PRKCB: variants seen among roughly 807,000 people sequenced by gnomAD.
PRKCB encodes protein kinase C beta type.
Under a neutral mutation model 81.5 loss-of-function variants are expected in PRKCB, and 13 were observed. The observed-to-expected ratio is 0.16, with a 90% confidence interval of 0.10 to 0.25. The LOEUF (loss-of-function observed/expected upper bound fraction) is 0.25. PRKCB is among the 10% of genes least tolerant of loss of function. PRKCB has a pLI of 1.00. For synonymous variants in PRKCB, 335 were observed against 321.4 expected (o/e 1.04, Z -0.45); for missense variants, 509 against 875.7 (o/e 0.58, Z 5.29).
chr16:24,160,799 G>A (rs1389963564), intron 10 of PRKCB, among the ~76,000 whole-genome samples: 1 of 152,106 alleles, frequency 6.6e-6, no homozygotes. Context: ...TCTCTGATAA[G>A]GATGACATCT....
At chr16:23,982,535 TC>T (rs1197650273) in intron 2 of PRKCB, among the ~76,000 whole-genome samples, 13 of 151,590 alleles carry the variant, frequency 8.6e-5, no homozygotes, top group Non-Finnish European at 1.5e-4. Context: ...TTCAACCAAT[TC>T]CCCCCACCTC....
chr16:23,966,555 T>A (rs1210546817), intron 2 of PRKCB, among the ~76,000 whole-genome samples: 3 of 152,208 alleles, frequency 2.0e-5, no homozygotes, highest in Non-Finnish European at 4.4e-5. Flanking sequence ...ATTATTATTA[T>A]CCCTTCGAAT....
intron 10 of PRKCB, among the ~76,000 whole-genome samples, chr16:24,163,174 A>T (rs967626725): frequency 2.0e-5 from 3 of 152,180 alleles, no homozygotes; most frequent in Admixed American, 1.3e-4. Context: ...CTCACTAGGA[A>T]CCTTTTAAAA....
chr16:23,898,982 G>A lies in PRKCB; in HGVS notation c.205+61576G>A, dbSNP rs547512402. On this transcript the variant is annotated intron_variant, in intron 2 of 16. Coordinates refer to ENST00000643927, the MANE Select transcript of PRKCB (RefSeq NM_002738.7). Reference sequence around the variant, plus strand: ...CCTTAGGTCTATGCCTGGACCATAGGAAGTGTTTAAGAGACAGCCGTTGTG... The same window carrying A: ...CCTTAGGTCTATGCCTGGACCATAGAAAGTGTTTAAGAGACAGCCGTTGTG... Among the ~76,000 whole-genome samples the A allele has an allele frequency of 3.9e-5, 6 of 152,200 alleles. 1 individual carries two copies. The South Asian group carries it at 8.3e-4, about 21-fold the overall frequency.
chr16:24,193,875 C>G (rs933844960), intron 16 of PRKCB, among the ~76,000 whole-genome samples: 21 of 152,188 alleles, frequency 1.4e-4, no homozygotes, highest in Non-Finnish European at 2.9e-5. Context: ...CTCAGGGCTG[C>G]TCCATCTTCA....
chr16:24,136,096 G>GGTTT lies in PRKCB; in HGVS notation c.1065+12115_1065+12116insGTTT, dbSNP rs1555498951. ...TCATATGCAATTCTGATTGCAGCGT[G>GGTTT]TTTTTTTTTTTTTTTTTGCCAACTC... On this transcript the variant is annotated intron_variant, in intron 9 of 16. Transcript: ENST00000643927. Among the ~76,000 whole-genome samples the GGTTT allele has an allele frequency of 7.6e-5, 9 of 118,082 alleles. 1 individual carries two copies. The highest frequency in any genetic ancestry group is 1.1e-4 in the African/African-American group (3 of 26,558). The allele number at this position is 118,082 out of a possible 152,430, so 77.5% of individuals were successfully genotyped here.
intron 2 of PRKCB, among the ~76,000 whole-genome samples, chr16:23,908,714 T>G (rs1390101016): frequency 1.3e-5 from 2 of 151,594 alleles, no homozygotes; most frequent in African/African-American, 4.9e-5. Context: ...GTATTTTTAG[T>G]AGAGACGGGG....
At position 24,052,456 on chromosome 16, in the gene PRKCB, AT is replaced by A. The variant is rs575748917; in HGVS notation, c.529+16910del. Among the ~76,000 whole-genome samples, 484 of 152,336 alleles carry A rather than the reference AT, an allele frequency of 3.2e-3. 2 individuals carry two copies. The highest frequency in any genetic ancestry group is 0.011 in the African/African-American group (459 of 41,576). On this transcript the variant is annotated intron_variant, in intron 5 of 16. Coordinates refer to ENST00000643927, the MANE Select transcript of PRKCB (RefSeq NM_002738.7). Reference sequence around the variant, plus strand: ...TACTAAGAAAGTAAAGGAATAAAGCATGGCTACTCCACAGGCAGAGCAGCCC... The same window carrying A: ...TACTAAGAAAGTAAAGGAATAAAGCAGGCTACTCCACAGGCAGAGCAGCCC...
chr16:24,033,826 C>T (rs1965579945), intron 4 of PRKCB, among the ~76,000 whole-genome samples: 1 of 152,010 alleles, frequency 6.6e-6, no homozygotes, highest in Middle Eastern at 3.4e-3. Context: ...TACACAGGCT[C>T]ATGCAGAGGT....
At chr16:24,155,665 T>A (rs1298631755) in intron 10 of PRKCB, among the ~76,000 whole-genome samples, 2 of 152,224 alleles carry the variant, frequency 1.3e-5, no homozygotes, top group Non-Finnish European at 2.9e-5. Context: ...GTAGAGTGAC[T>A]GATTTTAGAG....
In PRKCB at chr16:24,105,860, A is replaced by G. The variant is rs148670607; in HGVS notation, c.822-7113A>G. Among the ~76,000 whole-genome samples the G allele has an allele frequency of 9.6e-3, 1,455 of 152,302 alleles. 24 individuals are homozygous for G. The highest frequency in any genetic ancestry group is 0.033 in the African/African-American group (1,372 of 41,552). ...ATACATGTGCATGTGTCTTTATAGT[A>G]GGATGATTTATAATTCTGAATCTGA... is the stretch of plus-strand genomic sequence containing the variant. On this transcript the variant is annotated intron_variant, in intron 7 of 16. Coordinates refer to ENST00000643927, the MANE Select transcript of PRKCB (RefSeq NM_002738.7).
At chr16:24,188,508 G>C (rs1967739733) in intron 15 of PRKCB, among the ~76,000 whole-genome samples, 1 of 152,020 alleles carries the variant, frequency 6.6e-6, no homozygotes, top group African/African-American at 2.4e-5. Context: ...CAGAAATTCA[G>C]TTGAGCTTTT....
intron 1 of PRKCB, among the ~76,000 whole-genome samples, chr16:23,836,768 C>CGGGA (rs1555477154): frequency 7.0e-6 from 1 of 141,910 alleles, no homozygotes; most frequent in Non-Finnish European, 1.6e-5. Flanking sequence ...CCCTTGTTTC[C>CGGGA]GGGGGGGGCG....
At chr16:24,123,037 C>T (rs140299035) in intron 8 of PRKCB, among the ~76,000 whole-genome samples, 144 of 152,296 alleles carry the variant, frequency 9.5e-4, no homozygotes, top group African/African-American at 3.1e-3. Flanking sequence ...AGAAATATTC[C>T]GTGTCCACAA....
chr16:24,186,271 G>T (rs931151543), intron 15 of PRKCB, among the ~76,000 whole-genome samples: 1 of 152,108 alleles, frequency 6.6e-6, no homozygotes, highest in Non-Finnish European at 1.5e-5. Context: ...CTCACCTTTG[G>T]AGCCATCAGA....
intron 2 of PRKCB, among the ~76,000 whole-genome samples, chr16:23,928,377 C>T (rs2141753270): frequency 6.6e-6 from 1 of 152,214 alleles, no homozygotes. Flanking sequence ...ATCCACCCAC[C>T]TTGGCCTCCC....
intron 9 of PRKCB, among the ~76,000 whole-genome samples, chr16:24,148,155 G>A (rs1352174383): frequency 6.6e-6 from 1 of 152,146 alleles, no homozygotes; most frequent in East Asian, 1.9e-4. Context: ...TTAATCCTAA[G>A]GAAGCACTGT....
intron 9 of PRKCB, among the ~76,000 whole-genome samples, chr16:24,136,374 GTAT>G (rs1966864854): frequency 6.6e-6 from 1 of 152,134 alleles, no homozygotes; most frequent in Non-Finnish European, 1.5e-5. Flanking sequence ...AGTAAAGCGG[GTAT>G]TTGCTGAGAA....
intron 2 of PRKCB, among the ~76,000 whole-genome samples, chr16:23,885,415 T>C (rs941143113): frequency 1.3e-5 from 2 of 152,014 alleles, no homozygotes; most frequent in Non-Finnish European, 2.9e-5. Context: ...TTCAAGCCAT[T>C]CTCCTGCCTC....
Sources: allele counts gnomAD v4.1 joint callset (sites outside exome capture counted in the v4.1 genomes callset), GRCh38; gene constraint gnomAD v4.1.1; transcripts MANE v1.5; gene names NCBI Gene and HGNC (gene_info 2026-07-23, HGNC 2026-07-21).